TG: variants seen among roughly 807,000 people sequenced by gnomAD.
The protein encoded by TG is thyroid hormones.
Under a neutral mutation model 324.7 loss-of-function variants are expected in TG, and 270 were observed. The ratio of observed to expected loss-of-function variants is 0.83; its 90% confidence interval spans 0.75 to 0.92. TG has a LOEUF of 0.92. Ranked by LOEUF, TG falls within the 40% of genes least tolerant of loss-of-function variation. The pLI is 0.00. For synonymous variants in TG, 1,401 were observed against 1,327.0 expected, an observed-to-expected ratio of 1.06 and a Z score of -1.21; for missense variants, 3,591 against 3,456.4, an observed-to-expected ratio of 1.04 and a Z score of -0.98.
rs1367192800 is a variant in TG, at chr8:133,050,655, C to T, written c.7239+20632C>T. The T allele has an allele frequency of 1.2e-5, 7 of 604,778 alleles. No homozygotes were observed. In the East Asian group the frequency reaches 1.7e-4, roughly 15 times the overall value. 37.5% of individuals were successfully genotyped at this position (604,778 alleles called of 1,614,324 possible). On this transcript the variant is annotated intron_variant, in intron 41 of 47. Transcript: ENST00000220616. ...ATGGAAGGTTCTAGAGCACTGGCCA[C>T]ATTAAAGAGGAAGGTTGCAGTATGG...
At chr8:132,891,182 G>A (rs924574555) in intron 10 of TG, among the ~76,000 whole-genome samples, 1 of 152,166 alleles carries the variant, frequency 6.6e-6, no homozygotes, top group Non-Finnish European at 1.5e-5. Context: ...AGAGGAGTTT[G>A]TCCAGTTGCA....
At chr8:132,903,622 G>A (rs1818249023) in intron 16 of TG, among the ~76,000 whole-genome samples, 1 of 152,236 alleles carries the variant, frequency 6.6e-6, no homozygotes, top group East Asian at 1.9e-4. Flanking sequence ...GAGTGGAATA[G>A]TCCTGGGGTC....
At chr8:133,071,674 C>A (rs1339552586) in intron 41 of TG, among the ~76,000 whole-genome samples, 3 of 151,962 alleles carry the variant, frequency 2.0e-5, no homozygotes, top group Non-Finnish European at 4.4e-5. Flanking sequence ...GGCGCACCTG[C>A]AAACTGGAGG....
intron 41 of TG, among the ~76,000 whole-genome samples, chr8:133,084,974 T>A (rs1363611667): frequency 6.6e-6 from 1 of 152,222 alleles, no homozygotes; most frequent in Non-Finnish European, 1.5e-5. Flanking sequence ...GACAAAGTCA[T>A]TTACCCTCTC....
At chr8:133,067,183 G>T (rs1308709989) in intron 41 of TG, among the ~76,000 whole-genome samples, 1 of 152,104 alleles carries the variant, frequency 6.6e-6, no homozygotes, top group Non-Finnish European at 1.5e-5. Flanking sequence ...CTTCACAGGT[G>T]CACCTCTCTG....
intron 43 of TG, among the ~76,000 whole-genome samples, chr8:133,111,140 A>G (rs953280612): frequency 6.6e-6 from 1 of 152,146 alleles, no homozygotes; most frequent in Non-Finnish European, 1.5e-5. Context: ...ATGGGCAAAA[A>G]CCACCCATCC....
chr8:132,999,271 G>A (rs1288179453), intron 35 of TG, among the ~76,000 whole-genome samples: 1 of 151,938 alleles, frequency 6.6e-6, no homozygotes, highest in Non-Finnish European at 1.5e-5. Context: ...TTGATTGGGG[G>A]AAGGTATGTG....
intron 47 of TG, 34 bp from the exon 48 acceptor site, chr8:133,134,642 G>A (rs370537820): frequency 1.9e-6 from 3 of 1,593,660 alleles, no homozygotes; most frequent in Non-Finnish European, 2.6e-6. Context: ...TCCTAATCTG[G>A]CTTGGACCAA....
At chr8:132,958,152 G>A (rs150602239) in intron 27 of TG, among the ~76,000 whole-genome samples, 53 of 152,294 alleles carry the variant, frequency 3.5e-4, no homozygotes, top group African/African-American at 1.2e-3. Flanking sequence ...ATTGGCTTCA[G>A]CCTTAGACTT....
intron 41 of TG, among the ~76,000 whole-genome samples, chr8:133,057,172 C>A (rs879646081): frequency 0.018 from 2,778 of 152,076 alleles, 97 homozygotes; most frequent in African/African-American, 0.063. Context: ...GTGCTGCTGC[C>A]TCTGTTGGTG....
chr8:133,049,464 G>T (rs571652511), intron 41 of TG: 1 of 286,992 alleles, frequency 3.5e-6, no homozygotes, highest in South Asian at 3.4e-5. Context: ...TATTATCCCT[G>T]TCGTTCTATG....
intron 2 of TG, 21 bp from the exon 3 acceptor site, chr8:132,869,708 T>C: frequency 6.2e-7 from 1 of 1,612,286 alleles, no homozygotes; most frequent in Non-Finnish European, 8.5e-7. Context: ...CAGGGTCACC[T>C]GGTCTGTGTC....
intron 35 of TG, chr8:132,994,892 T>G: frequency 8.3e-7 from 1 of 1,204,418 alleles, no homozygotes; most frequent in Non-Finnish European, 1.1e-6. Flanking sequence ...ATTGAGGTAA[T>G]GAGCTCCCTG....
chr8:133,002,340 A>G (rs2130838015), intron 35 of TG: 1 of 985,424 alleles, frequency 1.0e-6, no homozygotes. Flanking sequence ...ATGATGATTT[A>G]GTTGGACTGT....
chr8:132,940,190 G>C (rs2739068), intron 25 of TG, among the ~76,000 whole-genome samples: 1 of 151,844 alleles, frequency 6.6e-6, no homozygotes, highest in Non-Finnish European at 1.5e-5. Flanking sequence ...AAATAAGATG[G>C]GGTGATCTGC....
chr8:132,877,313 T>C (rs1813955823), intron 5 of TG, among the ~76,000 whole-genome samples: 1 of 152,088 alleles, frequency 6.6e-6, no homozygotes, highest in African/African-American at 2.4e-5. Context: ...CTAATTTTTG[T>C]GTTTTTACTG....
chr8:133,085,471 T>C (rs1846376680), intron 41 of TG, among the ~76,000 whole-genome samples: 1 of 152,198 alleles, frequency 6.6e-6, no homozygotes, highest in Admixed American at 6.5e-5. Flanking sequence ...AAGGGACTTG[T>C]ACCAAGAAAA....
chr8:133,121,380 A>G (rs950323186), intron 45 of TG, among the ~76,000 whole-genome samples: 18 of 152,256 alleles, frequency 1.2e-4, no homozygotes, highest in Non-Finnish European at 1.9e-4. Context: ...TATGTCACAG[A>G]CTGAGCTTTG....
intron 47 of TG, among the ~76,000 whole-genome samples, chr8:133,134,042 G>A (rs1471708770): frequency 3.3e-5 from 5 of 152,236 alleles, no homozygotes; most frequent in Non-Finnish European, 5.9e-5. Context: ...ATCTTGGAGA[G>A]GTAACTCTAG....
Sources: gnomAD v4.1 joint callset for allele counts (sites outside exome capture counted in the v4.1 genomes callset) on GRCh38, gnomAD v4.1.1 for gene constraint, MANE v1.5 for transcripts, NCBI Gene and HGNC (gene_info 2026-07-23, HGNC 2026-07-21) for gene names.